SSBP3: variants seen among roughly 807,000 people sequenced by gnomAD.
The protein encoded by SSBP3 is single-stranded DNA-binding protein 3.
A neutral mutation model predicts 69.6 loss-of-function variants in SSBP3; 5 were observed. The ratio of observed to expected loss-of-function variants is 0.07; its 90% CI spans 0.04 to 0.15. The LOEUF is 0.15. Among genes scored for constraint, SSBP3 ranks in the 10% least tolerant of loss-of-function variants. The pLI is 1.00. For missense variants in SSBP3, 312 were observed against 534.0 expected, an observed-to-expected ratio of 0.58 and a Z score of 4.10; for synonymous variants, 196 against 193.4, an observed-to-expected ratio of 1.01 and a Z score of -0.11.
intron 4 of SSBP3, among the ~76,000 whole-genome samples, chr1:54,320,103 C>T (rs553293888): frequency 6.6e-6 from 1 of 152,270 alleles, no homozygotes; most frequent in South Asian, 2.1e-4. Flanking sequence ...GAATCAGAGG[C>T]CTCCCTGCCC....
At chr1:54,396,850 C>T (rs1648923824) in intron 4 of SSBP3, among the ~76,000 whole-genome samples, 1 of 152,150 alleles carries the variant, frequency 6.6e-6, no homozygotes, top group Admixed American at 6.5e-5. Flanking sequence ...CAAGGATTTG[C>T]AATTTGGGGT....
intron 14 of SSBP3, chr1:54,237,867 T>C (rs1462899760): frequency 3.0e-6 from 1 of 336,636 alleles, no homozygotes; most frequent in African/African-American, 2.2e-5. Context: ...ATGTGATCCA[T>C]GGTGAATCAC....
chr1:54,270,332 C>T (rs980316835), intron 5 of SSBP3, among the ~76,000 whole-genome samples: 16 of 152,188 alleles, frequency 1.1e-4, no homozygotes, highest in African/African-American at 2.9e-4. Context: ...GTCCCAGACA[C>T]ACAACACCTG....
chr1:54,327,793 G>A (rs141710049), intron 4 of SSBP3, among the ~76,000 whole-genome samples: 137 of 152,278 alleles, frequency 9.0e-4, no homozygotes, highest in Non-Finnish European at 1.6e-3. Flanking sequence ...CAACAGGACT[G>A]TGGGCTACAC....
intron 1 of SSBP3, chr1:54,405,299 A>G (rs1649641168): frequency 3.3e-6 from 1 of 299,750 alleles, no homozygotes; most frequent in Non-Finnish European, 6.5e-6. Context: ...GTCCGAGGAG[A>G]CTCGGCCCTG....
At position 54,272,681 on chromosome 1, in the gene SSBP3, G is replaced by A. The variant is rs980571949; in HGVS notation, c.366+8757C>T. Among the ~76,000 whole-genome samples the A allele has an allele frequency of 3.9e-5, 6 of 152,122 alleles. No individual in the cohort carries two copies. In the East Asian group the frequency reaches 7.7e-4, roughly 20 times the overall value. On this transcript the variant is annotated intron_variant, in intron 5 of 17. Coordinates refer to ENST00000610401, the Ensembl canonical transcript of SSBP3. Reference sequence around the variant, plus strand: ...TCGTGGGGGCAGAGGGAGCAGCCACGGTACAGTGCTGGGAGAACTGCCGAC... The same window carrying A: ...TCGTGGGGGCAGAGGGAGCAGCCACAGTACAGTGCTGGGAGAACTGCCGAC...
At chr1:54,348,247 C>CGGGGGGGGGG (rs34214298) in intron 4 of SSBP3, among the ~76,000 whole-genome samples, 2 of 39,332 alleles carry the variant, frequency 5.1e-5, no homozygotes, top group Admixed American at 3.0e-4. Flanking sequence ...GCATGGGGGG[C>CGGGGGGGGGG]GGGGGGGGGG....
At chr1:54,363,884 G>A (rs1224258021) in intron 4 of SSBP3, among the ~76,000 whole-genome samples, 1 of 152,190 alleles carries the variant, frequency 6.6e-6, no homozygotes, top group Non-Finnish European at 1.5e-5. Context: ...GGCACACCTG[G>A]CTCCCTAGAG....
chr1:54,404,339 T>C (rs542478730), intron 3 of SSBP3, among the ~76,000 whole-genome samples: 1 of 152,312 alleles, frequency 6.6e-6, no homozygotes, highest in South Asian at 2.1e-4. Flanking sequence ...AGTAAGGAGT[T>C]TCTACCCCAA....
At chr1:54,263,969 T>TAAAACC (rs200467921) in intron 5 of SSBP3, among the ~76,000 whole-genome samples, 12 of 152,192 alleles carry the variant, frequency 7.9e-5, no homozygotes, top group Admixed American at 1.3e-4. Flanking sequence ...GATAGCTCCT[T>TAAAACC]AAAACCAAAA....
At position 54,235,448 on chromosome 1, in the gene SSBP3, A is replaced by ATT. The variant is rs71580002; in HGVS notation, c.927+3679_927+3680dup. Among the ~76,000 whole-genome samples, 419 of 69,896 alleles carry ATT rather than the reference A, an allele frequency of 6.0e-3. 9 individuals are homozygous for ATT. Among genetic ancestry groups the ATT allele is most frequent in the African/African-American group, 0.012 (189 of 15,240 alleles). 45.9% of individuals were successfully genotyped at this position (69,896 alleles called of 152,430 possible). ...AGGCGTGTACCACCATGCCCGGCTG[A>ATT]TTTTTTTTTTTTTTTTTTTTTTTTT... On this transcript the variant is annotated intron_variant, in intron 14 of 17. Transcript: ENST00000610401.
At chr1:54,241,542 G>C (rs41313371) in intron 11 of SSBP3, 33 bp from the exon 12 acceptor site, 21,800 of 1,611,540 alleles carry the variant, frequency 0.014, 209 homozygotes, top group Non-Finnish European at 0.015. Context: ...CCCCACGTCA[G>C]AGTCACTGAG....
chr1:54,401,539 G>T (rs1451001192), intron 4 of SSBP3, among the ~76,000 whole-genome samples: 3 of 152,164 alleles, frequency 2.0e-5, no homozygotes, highest in Non-Finnish European at 4.4e-5. Flanking sequence ...CACTAAAGAG[G>T]CTTAGTCCCC....
At position 54,234,671 on chromosome 1, in the gene SSBP3, C is replaced by T. The variant is rs1055750298; in HGVS notation, c.927+4458G>A. Among the ~76,000 whole-genome samples, 3 of 152,042 alleles carry T rather than the reference C, an allele frequency of 2.0e-5. No homozygotes were observed. In the South Asian group the frequency reaches 6.2e-4, roughly 32 times the overall value. On this transcript the variant is annotated intron_variant, in intron 14 of 17. Coordinates refer to ENST00000610401, the Ensembl canonical transcript of SSBP3. ...AAAAAATAACAATGTTTCTTTCTGC[C>T]CTAGGATACATTAGAACATTCTGCT...
chr1:54,233,967 T>C (rs918455756), intron 14 of SSBP3, among the ~76,000 whole-genome samples: 2 of 152,200 alleles, frequency 1.3e-5, no homozygotes, highest in Non-Finnish European at 2.9e-5. Flanking sequence ...GTGTAGAAAG[T>C]AGACATGGGA....
intron 5 of SSBP3, among the ~76,000 whole-genome samples, chr1:54,270,350 G>A (rs1443672036): frequency 1.3e-5 from 2 of 152,148 alleles, no homozygotes; most frequent in Middle Eastern, 3.2e-3. Flanking sequence ...CTGCCTCCCA[G>A]CCTCGACCTC....
chr1:54,370,819 G>A (rs1647119901), intron 4 of SSBP3, among the ~76,000 whole-genome samples: 1 of 152,074 alleles, frequency 6.6e-6, no homozygotes, highest in Non-Finnish European at 1.5e-5. Context: ...TGCGTGTGGT[G>A]GCTGTGAGTG....
At chr1:54,338,061 T>C (rs768330791) in intron 4 of SSBP3, among the ~76,000 whole-genome samples, 4 of 152,230 alleles carry the variant, frequency 2.6e-5, no homozygotes, top group Non-Finnish European at 5.9e-5. Flanking sequence ...CATGACATCA[T>C]GTGTGTATAT....
chr1:54,390,111 G>C (rs990857928), intron 4 of SSBP3, among the ~76,000 whole-genome samples: 1 of 152,096 alleles, frequency 6.6e-6, no homozygotes, highest in African/African-American at 2.4e-5. Flanking sequence ...CAGTTCTTCC[G>C]TCACGAAATG....
Sources: allele counts gnomAD v4.1 joint callset (sites outside exome capture counted in the v4.1 genomes callset), GRCh38; gene constraint gnomAD v4.1.1; transcripts MANE v1.5; gene names NCBI Gene and HGNC (gene_info 2026-07-23, HGNC 2026-07-21).